SMARCC1: variants seen among roughly 807,000 people sequenced by gnomAD.
SMARCC1 encodes SWI/SNF related BAF chromatin remodeling complex subunit C1, also known as SWI/SNF complex subunit SMARCC1.
Under a neutral mutation model 147.4 loss-of-function variants are expected in SMARCC1, and 43 were observed. That is an observed-to-expected ratio of 0.29 (90% CI 0.23 to 0.38). SMARCC1 has a LOEUF of 0.38. Ranked by LOEUF, SMARCC1 falls within the 10% of genes least tolerant of loss-of-function variation. The pLI is 1.00. For synonymous variants in SMARCC1, 495 were observed against 484.4 expected, an observed-to-expected ratio of 1.02 and a Z score of -0.29; for missense variants, 1,119 against 1,381.1, an observed-to-expected ratio of 0.81 and a Z score of 3.01.
chr3:47,717,977 G>A (rs561847852), intron 7 of SMARCC1, among the ~76,000 whole-genome samples: 56 of 151,450 alleles, frequency 3.7e-4, no homozygotes, highest in African/African-American at 1.3e-3. Context: ...AACATACAGA[G>A]CACCCCCCCT....
intron 7 of SMARCC1, among the ~76,000 whole-genome samples, chr3:47,718,283 A>T (rs2034184234): frequency 6.6e-6 from 1 of 152,036 alleles, no homozygotes; most frequent in African/African-American, 2.4e-5. Flanking sequence ...CATCTCTACT[A>T]AAAATACAGA....
chr3:47,722,442 C>A (rs891606383), intron 6 of SMARCC1, among the ~76,000 whole-genome samples: 13 of 152,022 alleles, frequency 8.6e-5, no homozygotes, highest in South Asian at 4.2e-4. Context: ...GGATTACAGG[C>A]ATGCGCCACA....
chr3:47,686,025 C>T (rs1658317460), intron 14 of SMARCC1, 24 bp downstream of exon 14: 4 of 1,610,010 alleles, frequency 2.5e-6, no homozygotes, highest in Non-Finnish European at 3.4e-6. Flanking sequence ...GTACCATGCT[C>T]ACAGATGGAA....
intron 1 of SMARCC1, among the ~76,000 whole-genome samples, chr3:47,778,588 A>G (rs2035006375): frequency 6.6e-6 from 1 of 152,188 alleles, no homozygotes; most frequent in South Asian, 2.1e-4. Context: ...AAGTGCTGGG[A>G]TTACGGACGC....
intron 25 of SMARCC1, among the ~76,000 whole-genome samples, chr3:47,617,408 C>G (rs2032659920): frequency 6.6e-6 from 1 of 152,234 alleles, no homozygotes. Context: ...ATTTAAAGTG[C>G]TTTGGCATAG....
chr3:47,747,486 A>ATAAATATAAATATAAATATAAAT (rs1185664403), intron 2 of SMARCC1, among the ~76,000 whole-genome samples: 11 of 12,748 alleles, frequency 8.6e-4, no homozygotes, highest in South Asian at 0.017. Context: ...TAAATATAAA[A>ATAAATATAAATATAAATATAAAT]ATTAGCCAGG....
chr3:47,767,864 A>C (rs2034859666), intron 2 of SMARCC1, among the ~76,000 whole-genome samples: 2 of 144,730 alleles, frequency 1.4e-5, no homozygotes, highest in East Asian at 2.2e-4. Context: ...ACAACAACAA[A>C]AAAACAGTGA....
intron 5 of SMARCC1, among the ~76,000 whole-genome samples, chr3:47,733,657 C>T (rs1330495965): frequency 1.3e-5 from 2 of 151,640 alleles, no homozygotes; most frequent in Non-Finnish European, 2.9e-5. Context: ...GAGGCCGAGG[C>T]GGGCGGATCA....
chr3:47,686,792 C>G (rs949072047), intron 13 of SMARCC1, among the ~76,000 whole-genome samples: 3 of 151,984 alleles, frequency 2.0e-5, no homozygotes, highest in Non-Finnish European at 4.4e-5. Context: ...CAGGACCAGC[C>G]TGGGCAACAT....
chr3:47,690,729 T>C (rs568436656), intron 12 of SMARCC1, among the ~76,000 whole-genome samples: 189 of 152,320 alleles, frequency 1.2e-3, no homozygotes, highest in African/African-American at 4.0e-3. Context: ...CAAACACATG[T>C]AGAACAAGAC....
intron 2 of SMARCC1, among the ~76,000 whole-genome samples, chr3:47,749,435 A>G (rs2034601868): frequency 6.6e-6 from 1 of 151,820 alleles, no homozygotes; most frequent in South Asian, 2.1e-4. Context: ...CCAACGAGGC[A>G]GGATCATATG....
intron 2 of SMARCC1, among the ~76,000 whole-genome samples, chr3:47,758,877 C>T (rs889436663): frequency 2.0e-5 from 3 of 151,866 alleles, no homozygotes; most frequent in Non-Finnish European, 2.9e-5. Context: ...ATTAGCCAGG[C>T]GTGATGGTGC....
At chr3:47,678,105 G>C (rs933859114) in intron 16 of SMARCC1, 93 bp downstream of exon 16, 1 of 605,762 alleles carries the variant, frequency 1.7e-6, no homozygotes, top group African/African-American at 1.9e-5. Context: ...GTTTTACCCA[G>C]TTGAAACAAC....
chr3:47,761,972 G>C (rs1001588225), intron 2 of SMARCC1, among the ~76,000 whole-genome samples: 4 of 151,974 alleles, frequency 2.6e-5, no homozygotes, highest in Middle Eastern at 3.2e-3. Context: ...AGTAGAGACA[G>C]GATCTCACAA....
rs79977467 is a variant in SMARCC1 at position 47,744,503 on chromosome 3, T to G, written c.401+1405A>C. On this transcript the variant is annotated intron_variant, in intron 3 of 27. Coordinates refer to ENST00000254480, the MANE Select transcript of SMARCC1 (RefSeq NM_003074.4). Reference sequence around the variant, plus strand: ...AATTTATTTAATTACACACTTGTCCTTATTGTTGATCTAAATATTTATTTG... The same window carrying G: ...AATTTATTTAATTACACACTTGTCCGTATTGTTGATCTAAATATTTATTTG... Among the ~76,000 whole-genome samples, 1,200 of 152,322 alleles carry G rather than the reference T, an allele frequency of 7.9e-3. 7 individuals are homozygous for G. Among genetic ancestry groups the G allele is most frequent in the South Asian group, 0.014 (70 of 4,832 alleles).
At chr3:47,755,106 G>C (rs558746809) in intron 2 of SMARCC1, among the ~76,000 whole-genome samples, 2 of 152,036 alleles carry the variant, frequency 1.3e-5, no homozygotes, top group East Asian at 3.9e-4. Flanking sequence ...AGCTACTCGC[G>C]AGGCCGAGGC....
intron 2 of SMARCC1, among the ~76,000 whole-genome samples, chr3:47,755,019 G>T (rs535875281): frequency 6.6e-6 from 1 of 152,132 alleles, no homozygotes; most frequent in East Asian, 1.9e-4. Flanking sequence ...CTCCAGCCTG[G>T]ATGACAGAGC....
chr3:47,740,988 T>C (rs978864557), intron 3 of SMARCC1, among the ~76,000 whole-genome samples: 2 of 151,962 alleles, frequency 1.3e-5, no homozygotes, highest in Non-Finnish European at 2.9e-5. Context: ...CAACCAGATA[T>C]TGTATACCTC....
intron 26 of SMARCC1, among the ~76,000 whole-genome samples, chr3:47,605,422 T>A (rs940196952): frequency 1.3e-5 from 2 of 152,116 alleles, no homozygotes; most frequent in Non-Finnish European, 2.9e-5. Flanking sequence ...AAGGAACAAA[T>A]GTACAACCAC....
Sources: gnomAD v4.1 joint callset for allele counts (sites outside exome capture counted in the v4.1 genomes callset) on GRCh38, gnomAD v4.1.1 for gene constraint, MANE v1.5 for transcripts, NCBI Gene and HGNC (gene_info 2026-07-23, HGNC 2026-07-21) for gene names.